Variants in FARP1 observed in about 807,000 individuals in gnomAD.
FARP1 encodes FERM, ARH/RhoGEF and pleckstrin domain protein 1.
A neutral mutation model predicts 128.8 loss-of-function variants in FARP1; 52 were observed. The observed-to-expected ratio is 0.40, with a 90% CI of 0.32 to 0.51. The LOEUF is 0.51. FARP1 is among the 20% of genes least tolerant of loss of function. FARP1 has a pLI of 0.45. For synonymous variants in FARP1, 580 were observed against 551.8 expected, an observed-to-expected ratio of 1.05 and a Z score of -0.72; for missense variants, 1,333 against 1,367.9, an observed-to-expected ratio of 0.97 and a Z score of 0.40.
At chr13:98,232,614 CTG>C (rs1882196398) in intron 2 of FARP1, among the ~76,000 whole-genome samples, 1 of 151,986 alleles carries the variant, frequency 6.6e-6, no homozygotes, top group African/African-American at 2.4e-5. Flanking sequence ...GGTATGCACA[CTG>C]TTTTTAAAGA....
chr13:98,423,301 A>G (rs867826550), intron 16 of FARP1, among the ~76,000 whole-genome samples: 1 of 151,842 alleles, frequency 6.6e-6, no homozygotes. Context: ...GACACTCGAT[A>G]TTAACCATCA....
At chr13:98,426,234 T>C (rs1891782240) in intron 17 of FARP1, among the ~76,000 whole-genome samples, 1 of 152,210 alleles carries the variant, frequency 6.6e-6, no homozygotes, top group Admixed American at 6.5e-5. Context: ...ATGCCTCTGA[T>C]CCTAGCAATT....
intron 3 of FARP1, among the ~76,000 whole-genome samples, chr13:98,358,760 C>G (rs188829540): frequency 1.3e-5 from 2 of 151,998 alleles, no homozygotes; most frequent in African/African-American, 2.4e-5. Flanking sequence ...CTCAGCCTCT[C>G]GAGTAGTTGG....
rs1386776588 is a variant in FARP1, at chr13:98,176,655, G to A, written c.-24+33163G>A. 1 of 1,614,228 alleles carries A rather than the reference G, an allele frequency of 6.2e-7. No homozygotes were observed. Among genetic ancestry groups the A allele is most frequent in the Non-Finnish European group, 8.5e-7 (1 of 1,180,040 alleles). ...CAGTCTCCTTGTAGTCCTTGCAGAT[G>A]TCAGGCTGGTAATCCCAGCGCACAG... is the stretch of plus-strand genomic sequence containing the variant. On this transcript the variant is annotated intron_variant, in intron 1 of 26. Coordinates refer to ENST00000319562, the MANE Select transcript of FARP1 (RefSeq NM_005766.4). The surrounding 1 kb of genome is among the most constrained non-coding windows in gnomAD (Gnocchi z 6.2).
At chr13:98,286,517 C>T (rs1397515729) in intron 2 of FARP1, among the ~76,000 whole-genome samples, 1 of 152,156 alleles carries the variant, frequency 6.6e-6, no homozygotes, top group Non-Finnish European at 1.5e-5. Flanking sequence ...GCTTTTGCTT[C>T]TCTCTCTTCT....
chr13:98,253,079 C>T (rs1883422270), intron 2 of FARP1, among the ~76,000 whole-genome samples: 3 of 152,080 alleles, frequency 2.0e-5, no homozygotes, highest in Non-Finnish European at 1.5e-5. Flanking sequence ...GAGTGTGGTG[C>T]ATTAATAGCT....
At chr13:98,259,338 T>C (rs1883763580) in intron 2 of FARP1, among the ~76,000 whole-genome samples, 2 of 152,202 alleles carry the variant, frequency 1.3e-5, no homozygotes, top group African/African-American at 4.8e-5. Context: ...TGTGTATATA[T>C]ACACACATAT....
At chr13:98,300,750 A>C (rs1242264160) in intron 2 of FARP1, among the ~76,000 whole-genome samples, 2 of 152,200 alleles carry the variant, frequency 1.3e-5, no homozygotes, top group African/African-American at 4.8e-5. Context: ...GATGGTTTCA[A>C]ATATATATGG....
At chr13:98,302,737 G>A (rs1305575032) in intron 2 of FARP1, among the ~76,000 whole-genome samples, 3 of 152,212 alleles carry the variant, frequency 2.0e-5, no homozygotes, top group Admixed American at 6.5e-5. Context: ...GAGAGATTGA[G>A]GTCGATGAGG....
At chr13:98,340,848 CAG>C (rs1242268750) in intron 2 of FARP1, 1 of 152,212 alleles carries the variant, frequency 6.6e-6, no homozygotes, top group Non-Finnish European at 1.5e-5. Context: ...GTGTCGGAAA[CAG>C]GGCACATTGC....
chr13:98,446,577 C>CCAAGT (rs1892848904), intron 25 of FARP1, 89 bp from the exon 26 acceptor site: 4 of 1,425,236 alleles, frequency 2.8e-6, no homozygotes, highest in Non-Finnish European at 3.9e-6. Flanking sequence ...GCCTGGGCTC[C>CCAAGT]CAAGTCCCTG....
intron 24 of FARP1, among the ~76,000 whole-genome samples, chr13:98,442,800 C>T (rs1274372731): frequency 2.6e-5 from 4 of 152,226 alleles, no homozygotes; most frequent in Non-Finnish European, 5.9e-5. Flanking sequence ...CGAAGCCAGT[C>T]GATGTGTGGC....
At chr13:98,153,552 A>ATG (rs1197040503) in intron 1 of FARP1, among the ~76,000 whole-genome samples, 7 of 25,374 alleles carry the variant, frequency 2.8e-4, no homozygotes, top group Non-Finnish European at 5.8e-4. Context: ...ATGTATAAAT[A>ATG]TATATTTATA....
At chr13:98,364,153 T>C (rs1368582337) in intron 3 of FARP1, among the ~76,000 whole-genome samples, 2 of 152,244 alleles carry the variant, frequency 1.3e-5, no homozygotes, top group Non-Finnish European at 2.9e-5. Context: ...GCAATTAGTA[T>C]TCCTTGTGTG....
At chr13:98,335,226 A>G (rs1476241656) in intron 2 of FARP1, among the ~76,000 whole-genome samples, 2 of 152,238 alleles carry the variant, frequency 1.3e-5, no homozygotes, top group East Asian at 3.9e-4. Context: ...CCATTTTCAC[A>G]CTGCTGTTAA....
At chr13:98,365,913 G>GTGTGTGTGTGTGTGTGTGTGTGTA (rs1239165336) in intron 4 of FARP1, among the ~76,000 whole-genome samples, 2 of 151,666 alleles carry the variant, frequency 1.3e-5, no homozygotes, top group African/African-American at 4.9e-5. Context: ...GTGTGTGTGT[G>GTGTGTGTGTGTGTGTGTGTGTGTA]TGTGTTTCTG....
At chr13:98,365,305 T>C (rs544563107) in intron 3 of FARP1, 90 bp from the exon 4 acceptor site, 196 of 1,008,200 alleles carry the variant, frequency 1.9e-4, no homozygotes, top group Non-Finnish European at 3.0e-4. Flanking sequence ...AAAAATATTT[T>C]GATTTTAAAC....
intron 2 of FARP1, among the ~76,000 whole-genome samples, chr13:98,310,756 C>T (rs927423319): frequency 1.3e-5 from 2 of 152,092 alleles, no homozygotes; most frequent in African/African-American, 4.8e-5. Flanking sequence ...CTAAGAAAGA[C>T]AGTATTTTTG....
In FARP1 at chr13:98,209,268, A is replaced by G. The variant is rs1325051033; in HGVS notation, c.-23-3952A>G. 7.9e-5 allele frequency among the ~76,000 whole-genome samples: 12 copies of G among 151,644 alleles called. 1 individual carries two copies. In the South Asian group the frequency reaches 2.5e-3, roughly 32 times the overall value. On this transcript the variant is annotated intron_variant, in intron 1 of 26. Coordinates refer to ENST00000319562, the MANE Select transcript of FARP1 (RefSeq NM_005766.4). ...CGTGATCCACCCGCCTTGGCCTCCCAAAGTGCTGGGATTACAGGCGTGAGC... is the reference window on the plus strand; with the variant it reads ...CGTGATCCACCCGCCTTGGCCTCCCGAAGTGCTGGGATTACAGGCGTGAGC...
Sources: gnomAD v4.1 joint callset for allele counts (sites outside exome capture counted in the v4.1 genomes callset) on GRCh38, gnomAD v4.1.1 for gene constraint, Gnocchi (gnomAD v3.1) non-coding constraint, MANE v1.5 for transcripts, NCBI Gene and HGNC (gene_info 2026-07-23, HGNC 2026-07-21) for gene names.